FLNB: variants seen among roughly 807,000 people sequenced by gnomAD.
FLNB encodes the protein filamin-B.
Under a neutral mutation model 250.6 loss-of-function variants are expected in FLNB, and 111 were observed. That is an observed-to-expected ratio of 0.44 (90% CI 0.38 to 0.52). The LOEUF (loss-of-function observed/expected upper bound fraction) is 0.52, where lower values mean the gene tolerates loss of function less well. Among genes scored for constraint, FLNB ranks in the 20% least tolerant of loss-of-function variants. The pLI is 0.00. For synonymous variants in FLNB, 1,302 were observed against 1,372.1 expected (o/e 0.95, Z 1.13); for missense variants, 2,869 against 3,447.8 (o/e 0.83, Z 4.20).
chr3:58,041,642 G>T (rs916633539), intron 1 of FLNB, among the ~76,000 whole-genome samples: 4 of 152,192 alleles, frequency 2.6e-5, no homozygotes, highest in Non-Finnish European at 5.9e-5. Flanking sequence ...TCACTGGGCC[G>T]GGAAGACAAG....
Position 58,098,765 on chromosome 3 carries a change from C to A in FLNB, c.1202C>A (p.Thr401Asn). ...VEVEDPQGKN[T>N]VELLVEDKGN... The stretch of plus-strand genomic sequence containing the variant: ...GTGGAAGATCCCCAGGGGAAGAACA[C>A]CGTGGAGTTGCTCGTGGAAGACAAA... The change falls in exon 8 of 46, where the codon ACC becomes AAC. Residue 401 changes from threonine to asparagine, a missense_variant. Coordinates refer to ENST00000295956, the MANE Select transcript of FLNB (RefSeq NM_001457.4). 1 of 1,614,118 alleles carries A rather than the reference C, an allele frequency of 6.2e-7. No individual in the cohort carries two copies. The highest frequency in any genetic ancestry group is 1.1e-5 in the South Asian group (1 of 91,076).
rs1189781207 is a variant in FLNB, at chr3:58,099,246, G to A, written c.1345+338G>A. ...TAACTGAAGTTAGCAGCAGCAACAT[G>A]GGCCCTGCAGCCTCCATTGCTTGGC... is the stretch of plus-strand genomic sequence containing the variant. On this transcript the variant is annotated intron_variant, in intron 8 of 45. Coordinates refer to ENST00000295956, the MANE Select transcript of FLNB (RefSeq NM_001457.4). Among the ~76,000 whole-genome samples the A allele has an allele frequency of 2.0e-5, 3 of 152,178 alleles. No homozygotes were observed. The East Asian group carries it at 5.8e-4, about 29-fold the overall frequency.
At chr3:58,121,557 C>T (rs2097288791) in intron 20 of FLNB, 54 bp downstream of exon 20, 1 of 1,601,616 alleles carries the variant, frequency 6.2e-7, no homozygotes, top group South Asian at 1.1e-5. Flanking sequence ...AACATGACAC[C>T]ATAGTCCTTC....
Position 58,103,265 on chromosome 3 carries a change from G to GGTGTGTGT in FLNB, c.1484-672_1484-665dup, listed in dbSNP as rs10571409. On this transcript the variant is annotated intron_variant, in intron 9 of 45. Transcript: ENST00000295956. ...GATTATTCCAACAGGAGCCAAGGAGGGTGTGTGTGTGTGTGTGTGTGTGTG... is the reference window on the plus strand; with the variant it reads ...GATTATTCCAACAGGAGCCAAGGAGGGTGTGTGTGTGTGTGTGTGTGTGTGTGTGTGTG... Among the ~76,000 whole-genome samples the GGTGTGTGT allele has an allele frequency of 3.6e-3, 538 of 148,170 alleles. 3 individuals are homozygous for GGTGTGTGT. The highest frequency in any genetic ancestry group is 0.012 in the African/African-American group (498 of 40,084).
chr3:58,154,654 G>T, intron 39 of FLNB, 137 bp from the exon 40 acceptor site: 1 of 872,940 alleles, frequency 1.1e-6, no homozygotes, highest in African/African-American at 1.7e-5. Flanking sequence ...GACCTTGCTT[G>T]GGTTCTGCTT....
Position 58,123,576 on chromosome 3 carries a change from T to C in FLNB, c.3610T>C (p.Leu1204=), listed in dbSNP as rs1466324436. The C allele has an allele frequency of 6.2e-7, 1 of 1,611,548 alleles. No individual in the cohort carries two copies. Among genetic ancestry groups the C allele is most frequent in the South Asian group, 1.1e-5 (1 of 90,766 alleles). ...YVPLTAGMYT[L]TMKYGGELVP... ...GCCCCTGACGGCCGGCATGTACACG[T>C]TGACCATGAAGTATGGTGGCGAACT... Residue 1204 remains leucine, a synonymous_variant, in exon 21 of 46, where the codon TTG becomes CTG. Transcript: ENST00000295956.
intron 1 of FLNB, among the ~76,000 whole-genome samples, chr3:58,075,046 A>G (rs950344122): frequency 6.6e-6 from 1 of 152,126 alleles, no homozygotes; most frequent in African/African-American, 2.4e-5. Flanking sequence ...AGAGGATATA[A>G]CAATAATCAG....
chr3:58,136,746 CTTT>C (rs57053256), intron 28 of FLNB, among the ~76,000 whole-genome samples: 26 of 79,812 alleles, frequency 3.3e-4, no homozygotes, highest in African/African-American at 1.3e-3. Context: ...ACAGGCCATT[CTTT>C]TTTTTTTTTT....
At chr3:58,099,385 C>T (rs1407120716) in intron 8 of FLNB, among the ~76,000 whole-genome samples, 2 of 152,060 alleles carry the variant, frequency 1.3e-5, no homozygotes, top group Non-Finnish European at 2.9e-5. Flanking sequence ...GCTTAGATAG[C>T]GTTAGGTATC....
Position 58,163,304 on chromosome 3 carries a change from G to A in FLNB, c.7172G>A (p.Gly2391Asp). ...AACCCTGCCCTGGTGTCCGCCTATG[G>A]CACGGGACTCGAAGGGGGCACCACA... ...AGNPALVSAY[G>D]TGLEGGTTGI... The change falls in exon 43 of 46, where the codon GGC becomes GAC. Residue 2391 changes from glycine (G) to aspartate (D), a missense_variant. By Grantham distance (94) the Gly-to-Asp change is moderately conservative (BLOSUM62 -1). Transcript: ENST00000295956. 6.2e-7 allele frequency: 1 copy of A among 1,614,224 alleles called. No homozygotes were observed. The highest frequency in any genetic ancestry group is 8.5e-7 in the Non-Finnish European group (1 of 1,180,046).
At chr3:58,075,900 C>G (rs1326161697) in intron 1 of FLNB, among the ~76,000 whole-genome samples, 3 of 151,782 alleles carry the variant, frequency 2.0e-5, no homozygotes, top group Non-Finnish European at 4.4e-5. Context: ...GAGAAAGTTG[C>G]AGGGGGTGCG....
intron 1 of FLNB, among the ~76,000 whole-genome samples, chr3:58,011,889 A>T (rs1235551402): frequency 6.6e-6 from 1 of 152,198 alleles, no homozygotes; most frequent in African/African-American, 2.4e-5. Flanking sequence ...TGTTAATTAA[A>T]TAAGGTGCTG....
In FLNB at chr3:58,159,694, G is replaced by A. The variant is rs2107308124; in HGVS notation, c.7021+8G>A. 1.2e-6 allele frequency: 2 copies of A among 1,612,676 alleles called. No homozygotes were observed. Among genetic ancestry groups the A allele is most frequent in the Non-Finnish European group, 1.7e-6 (2 of 1,179,996 alleles). On this transcript the variant is annotated splice_region_variant and intron_variant, in intron 42 of 45. Transcript: ENST00000295956. The stretch of plus-strand genomic sequence containing the variant: ...TGTCTGAGCTGGAGCCAGGTGAGCA[G>A]GAGGCCTGCTGGGGGGTCCCAGCAC...
chr3:58,161,850 G>C lies in FLNB; in HGVS notation c.7022-1304G>C, dbSNP rs188314720. ...CACCTTCACGCCACATCAATTAAGA[G>C]AGACACCCTCTCAGGATTCTTAGAA... On this transcript the variant is annotated intron_variant, in intron 42 of 45. Transcript: ENST00000295956. Among the ~76,000 whole-genome samples the C allele has an allele frequency of 2.0e-3, 310 of 152,290 alleles. 4 individuals are homozygous for C. Among genetic ancestry groups the C allele is most frequent in the Admixed American group, 0.019 (297 of 15,304 alleles).
chr3:58,078,144 C>A, intron 2 of FLNB: 1 of 459,394 alleles, frequency 2.2e-6, no homozygotes, highest in Non-Finnish European at 2.9e-6. Flanking sequence ...TTGGTGTCAT[C>A]CAGGAAAAAT....
intron 2 of FLNB, among the ~76,000 whole-genome samples, chr3:58,077,969 AAAAAAAAAAGGTATTAATCATAT>A (rs944932700): frequency 1.4e-5 from 2 of 146,276 alleles, no homozygotes; most frequent in African/African-American, 5.0e-5. Context: ...TGATTTTAAT[AAAAAAAAAAGGTATTAATCATAT>A]TTTCCATTTA....
intron 1 of FLNB, among the ~76,000 whole-genome samples, chr3:58,074,388 A>G (rs1307219250): frequency 6.6e-6 from 1 of 152,178 alleles, no homozygotes; most frequent in Non-Finnish European, 1.5e-5. Context: ...TCTTCTGGTA[A>G]TACTGAGAAA....
intron 26 of FLNB, 112 bp downstream of exon 26, chr3:58,133,043 T>TCATCCATTCCTCCATCAGTC (rs2097310226): frequency 3.1e-5 from 37 of 1,197,584 alleles, no homozygotes; most frequent in Admixed American, 2.6e-4. Context: ...ATCCATCCAC[T>TCATCCATTCCTCCATCAGTC]CATCCATTCC....
In FLNB at chr3:58,077,402, C is replaced by T. The variant is rs1576677176; in HGVS notation, c.541+108C>T. 7.8e-6 allele frequency: 11 copies of T among 1,406,326 alleles called. No individual in the cohort carries two copies. The East Asian group carries it at 2.5e-4, about 33-fold the overall frequency. 87.1% of individuals were successfully genotyped at this position (1,406,326 alleles called of 1,614,324 possible). A position where few individuals can be genotyped will look rare whatever the true frequency, so the allele number is the denominator to read the frequency against. On this transcript the variant is annotated intron_variant, in intron 2 of 45. Transcript: ENST00000295956. ...TATCTTTGCTTTGATTAGCGTATTTCTCCAGGTCTTAGCCCATTATAAGCC... is the reference window on the plus strand; with the variant it reads ...TATCTTTGCTTTGATTAGCGTATTTTTCCAGGTCTTAGCCCATTATAAGCC...
Sources: gnomAD v4.1 joint callset for allele counts (sites outside exome capture counted in the v4.1 genomes callset) on GRCh38, gnomAD v4.1.1 for gene constraint, MANE v1.5 for transcripts, NCBI Gene and HGNC (gene_info 2026-07-23, HGNC 2026-07-21) for gene names.